SPECC1L: variants seen among roughly 807,000 people sequenced by gnomAD.
SPECC1L encodes the protein cytospin-A.
A neutral mutation model predicts 116.8 loss-of-function variants in SPECC1L; 40 were observed. That is an observed-to-expected ratio of 0.34 (90% CI 0.27 to 0.45). The LOEUF is 0.45. Ranked by LOEUF, SPECC1L falls within the 20% of genes least tolerant of loss-of-function variation. The pLI, the probability that SPECC1L is intolerant of heterozygous loss-of-function variation, is 1.00. For missense variants in SPECC1L, 1,110 were observed against 1,373.6 expected (o/e 0.81, Z 3.03); for synonymous variants, 504 against 500.6 (o/e 1.01, Z -0.09).
In SPECC1L at chr22:24,294,938, TAAAG is replaced by T. The variant is rs1601509735; in HGVS notation, c.-37-7255_-37-7252del. On this transcript the variant is annotated intron_variant, in intron 2 of 16. Transcript: ENST00000314328. ...CTTCCAAGATATTTTTCATTTCTAG[TAAAG>T]AGTCTATGAGTTGATTTTTAAATAG... Among the ~76,000 whole-genome samples the T allele has an allele frequency of 4.6e-5, 7 of 152,346 alleles. No individual in the cohort carries two copies. The East Asian group carries it at 1.3e-3, about 29-fold the overall frequency.
At position 24,363,352 on chromosome 22, in the gene SPECC1L, C is replaced by T. The variant is rs201412778; in HGVS notation, c.2827+8C>T. Reference sequence around the variant, plus strand: ...GTGCCAAGACCCTCTCAGGTGATGACTTTCATCTGAATTTTTGTTGTATTT... The same window carrying T: ...GTGCCAAGACCCTCTCAGGTGATGATTTTCATCTGAATTTTTGTTGTATTT... On this transcript the variant is annotated splice_region_variant and intron_variant, in intron 12 of 16. Transcript: ENST00000314328. 9.9e-6 allele frequency: 16 copies of T among 1,610,474 alleles called. No individual in the cohort carries two copies. The highest frequency in any genetic ancestry group is 1.3e-5 in the Non-Finnish European group (15 of 1,176,794).
At chr22:24,277,533 A>G (rs2048860412) in intron 2 of SPECC1L, among the ~76,000 whole-genome samples, 1 of 152,214 alleles carries the variant, frequency 6.6e-6, no homozygotes, top group African/African-American at 2.4e-5. Context: ...TAGTCATTTC[A>G]CATTCACCAC....
chr22:24,406,751 A>C (rs972045881), intron 14 of SPECC1L, among the ~76,000 whole-genome samples: 1 of 152,114 alleles, frequency 6.6e-6, no homozygotes, highest in Non-Finnish European at 1.5e-5. Flanking sequence ...CATAATATTA[A>C]CGGGCCGTGG....
chr22:24,292,495 C>CT (rs751415408), intron 2 of SPECC1L, among the ~76,000 whole-genome samples: 64 of 152,092 alleles, frequency 4.2e-4, no homozygotes, highest in Middle Eastern at 3.2e-3. Context: ...TTTATCAGTT[C>CT]TTTTTTATAG....
intron 2 of SPECC1L, among the ~76,000 whole-genome samples, chr22:24,289,108 A>G (rs5996687): frequency 9.4e-4 from 143 of 152,356 alleles, no homozygotes; most frequent in African/African-American, 3.0e-3. Context: ...GTGCAAGTTT[A>G]AACTGCCTGC....
intron 4 of SPECC1L, among the ~76,000 whole-genome samples, chr22:24,317,555 C>T (rs2040614472): frequency 7.4e-6 from 1 of 134,302 alleles, no homozygotes; most frequent in Non-Finnish European, 1.6e-5. Context: ...CCAGTAGGGG[C>T]GGCCGGGCAG....
In SPECC1L at chr22:24,414,545, A is replaced by G. The variant is rs959957902; in HGVS notation, c.3276A>G (p.Glu1092=). The change falls in exon 17 of 17, where the codon GAA becomes GAG. Residue 1092 remains glutamate (E), a synonymous_variant. Coordinates refer to ENST00000314328, the MANE Select transcript of SPECC1L (RefSeq NM_015330.6). Reference sequence around the variant, plus strand: ...TCCTTGTCTGTCAGGACATTAATGAAATGGTACGGACTGAACGACCCGACT... The same window carrying G: ...TCCTTGTCTGTCAGGACATTAATGAGATGGTACGGACTGAACGACCCGACT... ...VGIKSTLDIN[E]MVRTERPDWQ... 3 of 1,613,896 alleles carry G rather than the reference A, an allele frequency of 1.9e-6. No homozygotes were observed. The highest frequency in any genetic ancestry group is 2.5e-6 in the Non-Finnish European group (3 of 1,179,932).
chr22:24,272,047 G>A (rs2048737474), intron 1 of SPECC1L, among the ~76,000 whole-genome samples: 1 of 152,192 alleles, frequency 6.6e-6, no homozygotes, highest in Admixed American at 6.5e-5. Flanking sequence ...TTTTGCCAAT[G>A]TAGGTGATAC....
In SPECC1L at chr22:24,410,959, C is replaced by T. The variant is rs372426130; in HGVS notation, c.3088-629C>T. Among the ~76,000 whole-genome samples, 11 of 151,996 alleles carry T rather than the reference C, an allele frequency of 7.2e-5. No homozygotes were observed. In the East Asian group the frequency reaches 1.2e-3, roughly 16 times the overall value. On this transcript the variant is annotated intron_variant, in intron 14 of 16. Coordinates refer to ENST00000314328, the MANE Select transcript of SPECC1L (RefSeq NM_015330.6). ...ATCCCAGCACTTCGGGAGGCCAAGG[C>T]GGGTGGATCACAAGGTCAAGAGATT... is the stretch of plus-strand genomic sequence containing the variant.
Position 24,361,353 on chromosome 22 carries a change from C to T in SPECC1L, c.2744-1908C>T, listed in dbSNP as rs527982601. Among the ~76,000 whole-genome samples the T allele has an allele frequency of 7.9e-5, 12 of 152,102 alleles. No individual in the cohort carries two copies. In the South Asian group the frequency reaches 2.3e-3, roughly 29 times the overall value. ...GCAGTGAGCCAAGATCACACCACTG[C>T]ACTCTAGCCTGGGCAACAGAGCAAG... On this transcript the variant is annotated intron_variant, in intron 11 of 16. Coordinates refer to ENST00000314328, the MANE Select transcript of SPECC1L (RefSeq NM_015330.6).
rs573277928 is a variant in SPECC1L, at chr22:24,415,283, T to C, written c.*660T>C. ...CAGGGCTGGGGTGCTGCTGCTGCAC[T>C]CACGCGGCTGGGCTTTCTGGCGGGA... On this transcript the variant is annotated 3_prime_UTR_variant, in exon 17 of 17. Coordinates refer to ENST00000314328, the MANE Select transcript of SPECC1L (RefSeq NM_015330.6). The C allele has an allele frequency of 3.8e-4, 59 of 153,596 alleles. 3 individuals are homozygous for C. The South Asian group carries it at 0.012, about 30-fold the overall frequency. The allele number at this position is 153,596 out of a possible 1,614,324, so 9.5% of individuals were successfully genotyped here. A position where few individuals can be genotyped will look rare whatever the true frequency, so the allele number is the denominator to read the frequency against.
At chr22:24,350,910 C>A (rs1245550438) in intron 11 of SPECC1L, among the ~76,000 whole-genome samples, 3 of 152,122 alleles carry the variant, frequency 2.0e-5, no homozygotes, top group Non-Finnish European at 4.4e-5. Context: ...CTGAGAAAGC[C>A]CAGGAGGAGA....
chr22:24,311,576 G>A (rs1317887076), intron 3 of SPECC1L, among the ~76,000 whole-genome samples: 1 of 152,076 alleles, frequency 6.6e-6, no homozygotes, highest in Admixed American at 6.6e-5. Context: ...AGGCCAAGGT[G>A]GGCAGATCAC....
intron 14 of SPECC1L, among the ~76,000 whole-genome samples, chr22:24,380,465 G>C (rs950767663): frequency 6.6e-6 from 1 of 152,122 alleles, no homozygotes; most frequent in South Asian, 2.1e-4. Context: ...TGGAACGTGC[G>C]TGCTTTATGA....
At chr22:24,338,286 T>G (rs1601576853) in intron 9 of SPECC1L, 100 bp from the exon 10 acceptor site, 1 of 1,148,064 alleles carries the variant, frequency 8.7e-7, no homozygotes, top group Non-Finnish European at 1.3e-6. Flanking sequence ...TCCAGCGGGG[T>G]TTGAGAGCAT....
chr22:24,387,347 T>A (rs1023434622), intron 14 of SPECC1L, among the ~76,000 whole-genome samples: 1 of 152,170 alleles, frequency 6.6e-6, no homozygotes, highest in African/African-American at 2.4e-5. Context: ...AAAACAGTGG[T>A]GAGATTAATC....
chr22:24,288,889 G>T (rs552165554), intron 2 of SPECC1L, among the ~76,000 whole-genome samples: 2 of 152,280 alleles, frequency 1.3e-5, no homozygotes, highest in African/African-American at 4.8e-5. Context: ...CTCCCAAAGT[G>T]CTGGGATTAC....
chr22:24,323,059 T>TG, intron 5 of SPECC1L, 141 bp downstream of exon 5: 2 of 1,412,170 alleles, frequency 1.4e-6, no homozygotes, highest in Non-Finnish European at 9.2e-7. Context: ...AACTTGGGAA[T>TG]GGTTTCCTTT....
chr22:24,369,391 C>T (rs1319926780), intron 14 of SPECC1L, 71 bp downstream of exon 14: 10 of 1,068,004 alleles, frequency 9.4e-6, no homozygotes, highest in Admixed American at 1.7e-5. Context: ...TAGCTTACTA[C>T]GTGTCACACA....
Sources: allele counts gnomAD v4.1 joint callset (sites outside exome capture counted in the v4.1 genomes callset), GRCh38; gene constraint gnomAD v4.1.1; transcripts MANE v1.5; gene names NCBI Gene and HGNC (gene_info 2026-07-23, HGNC 2026-07-21).